Variants in TIMELESS observed in about 807,000 individuals in gnomAD.
The protein encoded by TIMELESS is protein timeless homolog.
A neutral mutation model predicts 164.3 loss-of-function variants in TIMELESS; 124 were observed. The ratio of observed to expected loss-of-function variants is 0.75; its 90% confidence interval spans 0.65 to 0.88. TIMELESS has a LOEUF of 0.88. Ranked by LOEUF, TIMELESS falls within the 40% of genes least tolerant of loss-of-function variation. TIMELESS has a pLI of 0.00. For synonymous variants in TIMELESS, 564 were observed against 563.4 expected, an observed-to-expected ratio of 1.00 and a Z score of -0.02; for missense variants, 1,422 against 1,491.4, an observed-to-expected ratio of 0.95 and a Z score of 0.77.
rs182861281 is a variant in TIMELESS at position 56,417,525 on chromosome 12, A to G, written c.*191T>C. Reference sequence around the variant, plus strand: ...GGGGCATACCGATAAAAACTGGGAGAAACAAAGACTGACAGCAGAGAAGTC... The same window carrying G: ...GGGGCATACCGATAAAAACTGGGAGGAACAAAGACTGACAGCAGAGAAGTC... On this transcript the variant is annotated 3_prime_UTR_variant, in exon 29 of 29. Transcript: ENST00000553532. 4.4e-4 allele frequency: 256 copies of G among 585,674 alleles called. No individual in the cohort carries two copies. In the African/African-American group the frequency reaches 4.4e-3, roughly 10 times the overall value. The allele number at this position is 585,674 out of a possible 1,614,324, so 36.3% of individuals were successfully genotyped here.
At chr12:56,422,801 C>A in intron 19 of TIMELESS, 46 bp downstream of exon 19, 2 of 1,553,626 alleles carry the variant, frequency 1.3e-6, no homozygotes, top group South Asian at 1.2e-5. Context: ...GACTCTGCAT[C>A]AAACTTCCCC....
At chr12:56,433,243 G>T in intron 5 of TIMELESS, 116 bp from the exon 6 acceptor site, 1 of 1,385,484 alleles carries the variant, frequency 7.2e-7, no homozygotes, top group South Asian at 1.2e-5. Flanking sequence ...AGTTCAAACA[G>T]TACTGAGGCA....
intron 26 of TIMELESS, 126 bp from the exon 27 acceptor site, chr12:56,418,485 T>C (rs1881346884): frequency 1.5e-6 from 1 of 669,314 alleles, no homozygotes; most frequent in East Asian, 2.7e-5. Context: ...CTATTTATTA[T>C]AATACTTACT....
At position 56,418,168 on chromosome 12, in the gene TIMELESS, G is replaced by C; in HGVS notation, c.3420C>G (p.Ala1140=). 1 of 1,614,198 alleles carries C rather than the reference G, an allele frequency of 6.2e-7. No individual in the cohort carries two copies. Among genetic ancestry groups the C allele is most frequent in the Non-Finnish European group, 8.5e-7 (1 of 1,180,038 alleles). The change falls in exon 27 of 29, where the codon GCC becomes GCG. Residue 1140 remains alanine (A), a synonymous_variant. Coordinates refer to ENST00000553532, the MANE Select transcript of TIMELESS (RefSeq NM_003920.5). Reference sequence around the variant, plus strand: ...ATGCCAGGCCCGCTTTCTTCTTGTGGGCTAGCAAGAGGGCCCTCAGGGCTT... The same window carrying C: ...ATGCCAGGCCCGCTTTCTTCTTGTGCGCTAGCAAGAGGGCCCTCAGGGCTT... The part of the protein sequence containing the change: ...RAQALRALLL[A]HKKKAGLASP...
At chr12:56,419,110 G>A (rs897595411) in intron 26 of TIMELESS, among the ~76,000 whole-genome samples, 3 of 151,218 alleles carry the variant, frequency 2.0e-5, no homozygotes, top group African/African-American at 7.3e-5. Context: ...TCCTGCCTCA[G>A]CCTCCCAAGT....
intron 18 of TIMELESS, 93 bp downstream of exon 18, chr12:56,423,181 A>G: frequency 6.7e-7 from 1 of 1,494,216 alleles, no homozygotes. Flanking sequence ...CCAGCCCTTG[A>G]CACCTCTCAG....
intron 7 of TIMELESS, among the ~76,000 whole-genome samples, chr12:56,431,840 G>A (rs1271492711): frequency 6.6e-6 from 1 of 150,916 alleles, no homozygotes; most frequent in Non-Finnish European, 1.5e-5. Context: ...ATATTTGTAT[G>A]TGTATACACA....
At position 56,423,874 on chromosome 12, in the gene TIMELESS, TCTC is replaced by T; in HGVS notation, c.1886_1888del (p.Gly629del). 1.9e-6 allele frequency: 3 copies of T among 1,613,966 alleles called. No individual in the cohort carries two copies. Among genetic ancestry groups the T allele is most frequent in the Non-Finnish European group, 2.5e-6 (3 of 1,179,994 alleles). ...AGAAATGTCTTGAGAGCCAAACACA[TCTC>T]CTTCAGGCCACACCTCCCTGGAGCA... On this transcript the variant is annotated inframe_deletion, in exon 16 of 29. Transcript: ENST00000553532.
Position 56,428,324 on chromosome 12 carries a change from G to C in TIMELESS, c.1490C>G (p.Ser497Cys), listed in dbSNP as rs150731263. 10 of 1,613,796 alleles carry C rather than the reference G, an allele frequency of 6.2e-6. No homozygotes were observed. The highest frequency in any genetic ancestry group is 2.2e-5 in the East Asian group (1 of 44,870). Residue 497 changes from serine to cysteine, a missense_variant, in exon 13 of 29, where the codon TCT becomes TGT. Physicochemically the swap from Ser to Cys is moderately radical, Grantham distance 112. Transcript: ENST00000553532. ...RKFDERCQPR[S>C]FLRDLVETTH... The stretch of plus-strand genomic sequence containing the variant: ...GGTCTCCACCAGGTCACGAAGGAAA[G>C]AGCGGGGCTGGCATCTCTCATCAAA...
chr12:56,431,354 C>CAAA lies in TIMELESS; in HGVS notation c.821+114_821+116dup, dbSNP rs11366728. ...GGGCGACAAGAGCAAAATTCTGTCT[C>CAAA]AAAAAAAAAAAAAAAAAACACTAAA... On this transcript the variant is annotated intron_variant, in intron 8 of 28. Transcript: ENST00000553532. 2.5e-3 allele frequency: 2,026 copies of CAAA among 819,284 alleles called. 2 individuals carry two copies. The highest frequency in any genetic ancestry group is 2.7e-3 in the Non-Finnish European group (1,643 of 599,454). The allele number at this position is 819,284 out of a possible 1,614,324, so 50.8% of individuals were successfully genotyped here.
chr12:56,431,708 T>C, intron 7 of TIMELESS, 104 bp from the exon 8 acceptor site: 1 of 1,397,416 alleles, frequency 7.2e-7, no homozygotes, highest in Non-Finnish European at 9.5e-7. Flanking sequence ...ACCCCATTAA[T>C]GGGGCATTGT....
Position 56,422,890 on chromosome 12 carries a change from C to T in TIMELESS, c.2395G>A (p.Val799Met), listed in dbSNP as rs766794496. 6.2e-7 allele frequency: 1 copy of T among 1,609,278 alleles called. No individual in the cohort carries two copies. Among genetic ancestry groups the T allele is most frequent in the East Asian group, 2.2e-5 (1 of 44,650 alleles). Residue 799 changes from valine to methionine, a missense_variant, in exon 19 of 29, where the codon GTG becomes ATG. Val to Met is a conservative substitution (Grantham distance 21). Coordinates refer to ENST00000553532, the MANE Select transcript of TIMELESS (RefSeq NM_003920.5). ...VELLFWKNTA[V>M]VREMTEGYGS... ...TAGCCCTCAGTCATCTCTCGAACCA[C>T]AGCTGTGTTCTTCCAGAACAACAGC... is the stretch of plus-strand genomic sequence containing the variant.
intron 1 of TIMELESS, among the ~76,000 whole-genome samples, chr12:56,437,433 T>C (rs1882108647): frequency 6.9e-6 from 1 of 145,176 alleles, no homozygotes; most frequent in Non-Finnish European, 1.5e-5. Context: ...TTTTTTTTTT[T>C]GAGACAGGGT....
At chr12:56,441,147 A>G (rs2136152581) in intron 1 of TIMELESS, among the ~76,000 whole-genome samples, 1 of 152,318 alleles carries the variant, frequency 6.6e-6, no homozygotes, top group South Asian at 2.1e-4. Context: ...GATGATAATA[A>G]TAAAAAGCCT....
intron 1 of TIMELESS, among the ~76,000 whole-genome samples, chr12:56,442,493 T>C (rs1000357580): frequency 6.6e-6 from 1 of 152,210 alleles, no homozygotes. Flanking sequence ...ATTTCTGAGC[T>C]AGAAAACAAA....
intron 26 of TIMELESS, 61 bp downstream of exon 26, chr12:56,420,508 G>A (rs1881431014): frequency 7.5e-7 from 1 of 1,330,206 alleles, no homozygotes; most frequent in Admixed American, 1.7e-5. Flanking sequence ...AGGAGGAGGA[G>A]GAGATGTATT....
At position 56,417,923 on chromosome 12, in the gene TIMELESS, ATCT is replaced by A. The variant is rs1592241532; in HGVS notation, c.3537_3539del (p.Glu1179del). ...ATTCCCTACCTCTGTTCCTGCCCTC[ATCT>A]TCTTCCTGTTCCTCGTCGCTGTCCA... On this transcript the variant is annotated inframe_deletion, in exon 28 of 29. Transcript: ENST00000553532. The A allele has an allele frequency of 6.2e-7, 1 of 1,614,144 alleles. No individual in the cohort carries two copies. The highest frequency in any genetic ancestry group is 8.5e-7 in the Non-Finnish European group (1 of 1,180,014).
chr12:56,433,322 G>T, intron 5 of TIMELESS, 59 bp downstream of exon 5: 1 of 1,574,922 alleles, frequency 6.3e-7, no homozygotes, highest in Non-Finnish European at 8.7e-7. Flanking sequence ...CTCCTCCTCT[G>T]CCCGGAGAAG....
rs761959188 is a variant in TIMELESS at position 56,433,609 on chromosome 12, T to G, written c.295A>C (p.Asn99His). The change falls in exon 4 of 29, where the codon AAT (asparagine) becomes CAT (histidine). Residue 99 changes from asparagine to histidine, a missense_variant. Asn to His is a moderately conservative substitution (Grantham distance 68, BLOSUM62 1). Transcript: ENST00000553532. The part of the protein sequence containing the change: ...LTQPALLCFG[N>H]LPKEPSFRHH... ...CGAAAGCTGGGCTCCTTAGGCAGAT[T>G]GCCAAAACAGAGCAAGGCTGGTTGT... 1 of 1,614,210 alleles carries G rather than the reference T, an allele frequency of 6.2e-7. No homozygotes were observed. The highest frequency in any genetic ancestry group is 1.1e-5 in the South Asian group (1 of 91,084).
Sources: gnomAD v4.1 joint callset for allele counts (sites outside exome capture counted in the v4.1 genomes callset) on GRCh38, gnomAD v4.1.1 for gene constraint, MANE v1.5 for transcripts, NCBI Gene and HGNC (gene_info 2026-07-23, HGNC 2026-07-21) for gene names.